Variants in CDC14A observed in about 807,000 individuals in gnomAD.
CDC14A encodes cell division cycle 14A, also known as dual specificity protein phosphatase CDC14A.
In CDC14A, 53 loss-of-function variants were observed where a neutral mutation model predicts 74.4. The observed-to-expected ratio is 0.71, with a 90% CI of 0.57 to 0.89. The LOEUF (loss-of-function observed/expected upper bound fraction) is 0.89. Ranked by LOEUF, CDC14A falls within the 40% of genes least tolerant of loss-of-function variation. CDC14A has a pLI of 0.00. For synonymous variants in CDC14A, 247 were observed against 258.4 expected, an observed-to-expected ratio of 0.96 and a Z score of 0.43; for missense variants, 646 against 713.7, an observed-to-expected ratio of 0.91 and a Z score of 1.08.
At chr1:100,398,965 G>A (rs1658904947) in intron 4 of CDC14A, among the ~76,000 whole-genome samples, 9 of 152,064 alleles carry the variant, frequency 5.9e-5, no homozygotes, top group Admixed American at 5.9e-4. Flanking sequence ...GGGAGTGAAG[G>A]GAGGCTGGAA....
intron 4 of CDC14A, among the ~76,000 whole-genome samples, chr1:100,410,083 A>G (rs1016287543): frequency 9.2e-5 from 14 of 152,048 alleles, no homozygotes; most frequent in African/African-American, 3.4e-4. Context: ...GTGGTGGTGC[A>G]TATCTGTAGT....
intron 4 of CDC14A, chr1:100,393,410 G>T: frequency 1.2e-6 from 1 of 811,114 alleles, no homozygotes; most frequent in Non-Finnish European, 2.2e-6. Context: ...ATGCAGTAAT[G>T]CCATTTTTTT....
chr1:100,431,196 A>G (rs1663629264), intron 5 of CDC14A, among the ~76,000 whole-genome samples: 1 of 152,242 alleles, frequency 6.6e-6, no homozygotes, highest in South Asian at 2.1e-4. Flanking sequence ...TCCATGACCC[A>G]TTAAGAACTC....
At chr1:100,351,649 C>T (rs564507100), upstream of CDC14A, 919 of 1,127,624 alleles carry the variant, frequency 8.1e-4, 1 homozygote, top group Non-Finnish European at 1.1e-3. Flanking sequence ...CAGGCTGGCT[C>T]AGCGGTCTCG....
intron 15 of CDC14A, among the ~76,000 whole-genome samples, chr1:100,515,386 CTTTT>C (rs368562046): frequency 1.4e-5 from 2 of 140,206 alleles, no homozygotes; most frequent in Non-Finnish European, 1.6e-5. Context: ...TTCTTTCTTT[CTTTT>C]TTTTTTTTTT....
rs551014504 is a variant in CDC14A at position 100,435,224 on chromosome 1, T to A, written c.390-4708T>A. ...GTGAAGGATGACTTTGCAAAGGAGG[T>A]TGGAAGTAGTGTTTAGAGGGTAGAA... On this transcript the variant is annotated intron_variant, in intron 5 of 15. Transcript: ENST00000336454. 2.6e-5 allele frequency among the ~76,000 whole-genome samples: 4 copies of A among 151,956 alleles called. No individual in the cohort carries two copies. The East Asian group carries it at 7.7e-4, about 29-fold the overall frequency.
intron 1 of CDC14A, among the ~76,000 whole-genome samples, chr1:100,345,517 G>A (rs749345322): frequency 6.6e-6 from 1 of 152,112 alleles, no homozygotes; most frequent in Admixed American, 6.5e-5. Context: ...GTTGGTGGGA[G>A]AGAGATACCT....
At chr1:100,428,962 C>T (rs372180987) in intron 5 of CDC14A, among the ~76,000 whole-genome samples, 1 of 151,986 alleles carries the variant, frequency 6.6e-6, no homozygotes, top group South Asian at 2.1e-4. Context: ...AATCCCAGTA[C>T]TTTGGGAGGT....
intron 4 of CDC14A, among the ~76,000 whole-genome samples, chr1:100,412,723 T>TATATTTATATATATATATA (rs1491148182): frequency 2.4e-5 from 2 of 83,724 alleles, no homozygotes; most frequent in Admixed American, 1.2e-4. Flanking sequence ...TATATATATA[T>TATATTTATATATATATATA]TTTATATATA....
intron 4 of CDC14A, among the ~76,000 whole-genome samples, chr1:100,411,328 C>T (rs1039037510): frequency 9.2e-5 from 14 of 152,198 alleles, no homozygotes; most frequent in African/African-American, 3.4e-4. Context: ...GTGTACCTTT[C>T]CCTCTCCATT....
intron 12 of CDC14A, 79 bp from the exon 13 acceptor site, chr1:100,495,923 T>C: frequency 8.7e-7 from 1 of 1,152,476 alleles, no homozygotes; most frequent in South Asian, 1.2e-5. Context: ...ACTGGTTTGA[T>C]ACCATTTGAT....
Position 100,390,803 on chromosome 1 carries a change from AT to A in CDC14A, c.293del (p.Leu98Ter). 1 of 1,612,458 alleles carries A rather than the reference AT, an allele frequency of 6.2e-7. No homozygotes were observed. Among genetic ancestry groups the A allele is most frequent in the Non-Finnish European group, 8.5e-7 (1 of 1,178,766 alleles). ...FDQRKRANAA[F>X]LIGAYAVIYL... ...ACCAACGGAAAAGAGCAAATGCAGCATTTTTGATAGGTGCCTATGCAGTAAG... is the reference window on the plus strand; with the variant it reads ...ACCAACGGAAAAGAGCAAATGCAGCATTTTGATAGGTGCCTATGCAGTAAG... On this transcript the variant is annotated frameshift_variant, in exon 4 of 16. Transcript: ENST00000336454. LOFTEE classifies it high-confidence loss of function.
intron 15 of CDC14A, among the ~76,000 whole-genome samples, chr1:100,513,683 G>T (rs533144526): frequency 1.4e-4 from 21 of 152,110 alleles, no homozygotes; most frequent in African/African-American, 5.1e-4. Flanking sequence ...GTAATTATTA[G>T]ACATGTTCCT....
chr1:100,357,933 C>A lies in CDC14A; in HGVS notation c.140+4081C>A, dbSNP rs1295033617. Among the ~76,000 whole-genome samples, 6 of 152,242 alleles carry A rather than the reference C, an allele frequency of 3.9e-5. No individual in the cohort carries two copies. In the East Asian group the frequency reaches 1.2e-3, roughly 29 times the overall value. On this transcript the variant is annotated intron_variant, in intron 2 of 15. Coordinates refer to ENST00000336454, the MANE Select transcript of CDC14A (RefSeq NM_003672.4). ...CAGCATTCCATGATTGAAATGTCAA[C>A]CTTCTGAGATGCTGGTGGAGAAAAT...
chr1:100,516,249 AAT>A (rs1557843984), intron 15 of CDC14A, among the ~76,000 whole-genome samples: 1 of 152,144 alleles, frequency 6.6e-6, no homozygotes. Context: ...TAAATAAATG[AAT>A]ATATATATGT....
intron 5 of CDC14A, among the ~76,000 whole-genome samples, chr1:100,428,020 A>G (rs1663160401): frequency 6.6e-6 from 1 of 152,210 alleles, no homozygotes; most frequent in Non-Finnish European, 1.5e-5. Context: ...CGTATGGCAT[A>G]GGTTGTATAA....
rs539973204 is a variant in CDC14A at position 100,497,736 on chromosome 1, G to A, written c.1299-349G>A. 3.3e-5 allele frequency among the ~76,000 whole-genome samples: 5 copies of A among 152,336 alleles called. No homozygotes were observed. In the South Asian group the frequency reaches 1.0e-3, roughly 32 times the overall value. ...GAAGACAGGATCATGGCTAAGAGCA[G>A]GACTTTGACTCCTGGGTTTGAATCC... On this transcript the variant is annotated intron_variant, in intron 13 of 15. Coordinates refer to ENST00000336454, the MANE Select transcript of CDC14A (RefSeq NM_003672.4).
rs760395268 is a variant in CDC14A, at chr1:100,468,032, T to C, written c.915T>C (p.Ile305=). The part of the protein sequence containing the change: ...KHYRFTHAEI[I]AWIRICRPGS... ...ACAGGTTTACACATGCTGAAATAAT[T>C]GCTTGGATTAGAATATGCCGGCCAG... Residue 305 remains isoleucine (I), a synonymous_variant, in exon 10 of 16, where the codon ATT becomes ATC. Transcript: ENST00000336454. 6.2e-7 allele frequency: 1 copy of C among 1,613,348 alleles called. No individual in the cohort carries two copies. The highest frequency in any genetic ancestry group is 1.7e-5 in the Admixed American group (1 of 59,866).
intron 8 of CDC14A, among the ~76,000 whole-genome samples, chr1:100,456,467 A>G (rs1357799501): frequency 6.8e-6 from 1 of 147,880 alleles, no homozygotes; most frequent in Non-Finnish European, 1.5e-5. Flanking sequence ...ATAGAGGTGG[A>G]ATACCAGTGT....
Sources: gnomAD v4.1 joint callset for allele counts (sites outside exome capture counted in the v4.1 genomes callset) on GRCh38, gnomAD v4.1.1 for gene constraint, MANE v1.5 for transcripts, NCBI Gene and HGNC (gene_info 2026-07-23, HGNC 2026-07-21) for gene names.